RBPJ: variants seen among roughly 807,000 people sequenced by gnomAD.
RBPJ encodes recombining binding protein suppressor of hairless.
Under a neutral mutation model 67.8 loss-of-function variants are expected in RBPJ, and 9 were observed. The ratio of observed to expected loss-of-function variants is 0.13; its 90% CI spans 0.08 to 0.23. The LOEUF (loss-of-function observed/expected upper bound fraction) is 0.23, where lower values mean the gene tolerates loss of function less well. Among genes scored for constraint, RBPJ ranks in the 10% least tolerant of loss-of-function variants. The probability of loss-of-function intolerance (pLI) is 1.00; values close to 1 mark genes in which losing one functional copy is unlikely to be tolerated. For missense variants in RBPJ, 305 were observed against 595.6 expected, an observed-to-expected ratio of 0.51 and a Z score of 5.08; for synonymous variants, 198 against 203.3, an observed-to-expected ratio of 0.97 and a Z score of 0.22.
chr4:26,330,289 C>T (rs937289411), intron 1 of RBPJ, among the ~76,000 whole-genome samples: 4 of 152,144 alleles, frequency 2.6e-5, no homozygotes, highest in Non-Finnish European at 2.9e-5. Context: ...ATTTTACTTA[C>T]CTTGCACAAT....
At chr4:26,122,351 G>C in the RBPJ span, among the ~76,000 whole-genome samples, 1 of 152,142 alleles carries the variant, frequency 6.6e-6, no homozygotes, top group East Asian at 1.9e-4. Context: ...GGAACCAAAA[G>C]CATCCTACCA....
At chr4:26,335,942 G>A (rs985105419) in intron 1 of RBPJ, among the ~76,000 whole-genome samples, 6 of 152,148 alleles carry the variant, frequency 3.9e-5, no homozygotes, top group Non-Finnish European at 7.3e-5. Flanking sequence ...TCTTTAGTCT[G>A]TAGTTTTGGT....
chr4:26,386,550 C>G (rs552364791), intron 2 of RBPJ, among the ~76,000 whole-genome samples, 159 bp downstream of exon 2: 1 of 152,212 alleles, frequency 6.6e-6, no homozygotes, highest in South Asian at 2.1e-4. Flanking sequence ...ATCTCTCCTC[C>G]CGTCCCTCAC....
intron 1 of RBPJ, among the ~76,000 whole-genome samples, chr4:26,187,364 T>A (rs924914032): frequency 6.6e-6 from 1 of 152,236 alleles, no homozygotes; most frequent in Non-Finnish European, 1.5e-5. Context: ...TTTTATGTGT[T>A]AAAGTCTTTT....
At chr4:26,221,485 TAACTC>T (rs143652042) in intron 1 of RBPJ, among the ~76,000 whole-genome samples, 2,351 of 152,300 alleles carry the variant, frequency 0.015, 74 homozygotes, top group African/African-American at 0.053. Context: ...CCAACAGAGA[TAACTC>T]AAGAGTGCAG....
At chr4:26,429,751 G>A in intron 8 of RBPJ, 147 bp from the exon 9 acceptor site, 2 of 662,132 alleles carry the variant, frequency 3.0e-6, no homozygotes, top group Non-Finnish European at 5.1e-6. Context: ...TGTAGGGATT[G>A]GCAAAGCACC....
chr4:26,429,843 A>G (rs947894028), intron 8 of RBPJ, 55 bp from the exon 9 acceptor site: 2 of 1,472,326 alleles, frequency 1.4e-6, no homozygotes, highest in Non-Finnish European at 1.9e-6. Flanking sequence ...AAATTTTCTT[A>G]TCCTATTAAT....
intron 1 of RBPJ, among the ~76,000 whole-genome samples, chr4:26,253,038 TTAGGGG>T (rs1720164861): frequency 6.6e-6 from 1 of 152,226 alleles, no homozygotes; most frequent in Non-Finnish European, 1.5e-5. Flanking sequence ...CTGGGTTATC[TTAGGGG>T]TATTCAATGA....
intron 1 of RBPJ, among the ~76,000 whole-genome samples, chr4:26,380,907 C>G (rs950557596): frequency 6.6e-6 from 1 of 150,756 alleles, no homozygotes; most frequent in Non-Finnish European, 1.5e-5. Flanking sequence ...TTTCACAACC[C>G]AAGGGCAAGT....
intron 1 of RBPJ, among the ~76,000 whole-genome samples, chr4:26,220,405 T>C (rs747598490): frequency 1.3e-4 from 20 of 152,188 alleles, no homozygotes; most frequent in Non-Finnish European, 1.0e-4. Context: ...TACTGCAACA[T>C]AAAATTTGTT....
chr4:26,420,617 G>T lies in RBPJ; in HGVS notation c.388G>T (p.Val130Leu). The change falls in exon 5 of 11, where the codon GTA becomes TTA. Residue 130 changes from valine to leucine, a missense_variant. Val to Leu is a conservative substitution (Grantham distance 32). This residue lies in a region of RBPJ where 79 missense variants were observed against 106.2 expected (regional missense o/e 0.74). Transcript: ENST00000355476. Reference protein sequence around the residue: ...SDKRKHFMLSVKMFYGNSDDI... With the variant: ...SDKRKHFMLSLKMFYGNSDDI... ...CAAGCGAAAGCACTTCATGTTGTCT[G>T]TAAAGATGTTCTATGGCAACAGTGA... 5 of 1,613,906 alleles carry T rather than the reference G, an allele frequency of 3.1e-6. No homozygotes were observed. The highest frequency in any genetic ancestry group is 4.2e-6 in the Non-Finnish European group (5 of 1,179,832).
intron 1 of RBPJ, among the ~76,000 whole-genome samples, chr4:26,230,866 G>C (rs540070377): frequency 6.6e-6 from 1 of 152,102 alleles, no homozygotes; most frequent in Non-Finnish European, 1.5e-5. Flanking sequence ...CCCTTGTCAT[G>C]AAGTGTGATG....
chr4:26,165,644 A>G (rs546493560), intron 1 of RBPJ, among the ~76,000 whole-genome samples: 21 of 152,232 alleles, frequency 1.4e-4, no homozygotes, highest in African/African-American at 4.1e-4. Flanking sequence ...TTAAATTCCC[A>G]TCATTAATGA....
intron 1 of RBPJ, among the ~76,000 whole-genome samples, chr4:26,177,602 G>A (rs1177681074): frequency 6.7e-6 from 1 of 150,182 alleles, no homozygotes; most frequent in East Asian, 2.0e-4. Context: ...GAGAGAAAGA[G>A]AAAGAGAAGG....
intron 2 of RBPJ, among the ~76,000 whole-genome samples, chr4:26,399,347 A>G (rs1163660096): frequency 2.0e-5 from 3 of 152,116 alleles, no homozygotes; most frequent in African/African-American, 7.2e-5. Flanking sequence ...ATGTTCCCTT[A>G]ACTGAAGTTC....
chr4:26,192,354 T>C (rs1201366529), intron 1 of RBPJ, among the ~76,000 whole-genome samples: 1 of 152,190 alleles, frequency 6.6e-6, no homozygotes, highest in Admixed American at 6.5e-5. Flanking sequence ...CATTCTTTTG[T>C]GTCTAACTTT....
intron 1 of RBPJ, among the ~76,000 whole-genome samples, chr4:26,290,984 C>T (rs1187273555): frequency 6.6e-6 from 1 of 150,898 alleles, no homozygotes; most frequent in Non-Finnish European, 1.5e-5. Flanking sequence ...AAAGCATTCC[C>T]CTTGAATGCT....
At chr4:26,428,997 G>A in intron 8 of RBPJ, 137 bp downstream of exon 8, 1 of 649,662 alleles carries the variant, frequency 1.5e-6, no homozygotes, top group Non-Finnish European at 2.7e-6. Flanking sequence ...TCTCAGGTAT[G>A]AGCATCCTTA....
At chr4:26,319,610 T>G, upstream of RBPJ, 11 of 557,948 alleles carry the variant, frequency 2.0e-5, no homozygotes, top group East Asian at 1.4e-4. Context: ...CAGGGGCACG[T>G]TCTCGCGAGG....
Sources: gnomAD v4.1 joint callset for allele counts (sites outside exome capture counted in the v4.1 genomes callset) on GRCh38, gnomAD v4.1.1 for gene constraint, gnomAD v4.1.1 regional missense constraint, MANE v1.5 for transcripts, NCBI Gene and HGNC (gene_info 2026-07-23, HGNC 2026-07-21) for gene names.